The following SMIM13 variants were observed in gnomAD, a reference collection of about 807,000 sequenced individuals.
The protein encoded by SMIM13 is UPF0766 protein C6orf228.
In SMIM13, 3 loss-of-function variants were observed where a neutral mutation model predicts 5.9. That is an observed-to-expected ratio of 0.51 (90% CI 0.23 to 1.31). The LOEUF (loss-of-function observed/expected upper bound fraction) is 1.31. Among genes scored for constraint, SMIM13 ranks in the 40% most tolerant of loss-of-function variants. SMIM13 has a pLI of 0.18. For synonymous variants in SMIM13, 55 were observed against 46.0 expected, an observed-to-expected ratio of 1.19 and a Z score of -0.79; for missense variants, 85 against 109.9, an observed-to-expected ratio of 0.77 and a Z score of 1.01.
intron 1 of SMIM13, among the ~76,000 whole-genome samples, chr6:11,124,047 A>G (rs769053035): frequency 6.6e-6 from 1 of 152,110 alleles, no homozygotes. Flanking sequence ...ATGTACAGTA[A>G]GTTATTGTTG....
rs1453964660 is a variant in SMIM13, at chr6:11,135,898, G to C, written c.*1296G>C. 6.6e-6 allele frequency: 1 copy of C among 152,140 alleles called. No homozygotes were observed. The highest frequency in any genetic ancestry group is 2.4e-5 in the African/African-American group (1 of 41,420). 9.4% of individuals were successfully genotyped at this position (152,140 alleles called of 1,614,324 possible). Reference sequence around the variant, plus strand: ...ATCTTAACAATTGGTAGTGTCTTAGGTTAAATTAAAAATGGTAGCTTGTAA... The same window carrying C: ...ATCTTAACAATTGGTAGTGTCTTAGCTTAAATTAAAAATGGTAGCTTGTAA... On this transcript the variant is annotated 3_prime_UTR_variant, in exon 2 of 2. Coordinates refer to ENST00000416247, the MANE Select transcript of SMIM13 (RefSeq NM_001135575.2).
chr6:11,124,191 C>T (rs1371117669), intron 1 of SMIM13, among the ~76,000 whole-genome samples: 2 of 152,184 alleles, frequency 1.3e-5, no homozygotes, highest in Non-Finnish European at 2.9e-5. Context: ...TATCATTCTA[C>T]TTTCTATAAG....
At chr6:11,116,008 CTTTTTTTTTTTTTT>C (rs35527082) in intron 1 of SMIM13, among the ~76,000 whole-genome samples, 94 of 78,534 alleles carry the variant, frequency 1.2e-3, no homozygotes, top group African/African-American at 4.1e-3. Flanking sequence ...CTTCCTTCCT[CTTTTTTTTTTTTTT>C]TTTTTTTTTT....
At chr6:11,098,529 C>G (rs1017304990) in intron 1 of SMIM13, among the ~76,000 whole-genome samples, 1 of 152,152 alleles carries the variant, frequency 6.6e-6, no homozygotes, top group African/African-American at 2.4e-5. Context: ...ACTCCTGGGT[C>G]TAAGTGATTC....
chr6:11,110,092 A>C, intron 1 of SMIM13, among the ~76,000 whole-genome samples: 1 of 152,210 alleles, frequency 6.6e-6, no homozygotes, highest in East Asian at 1.9e-4. Context: ...AAGAAAGAAC[A>C]GAGGCGAGAA....
Position 11,097,063 on chromosome 6 carries a change from C to T in SMIM13, c.76+2674C>T, listed in dbSNP as rs186633827. On this transcript the variant is annotated intron_variant, in intron 1 of 1. Transcript: ENST00000416247. ...ATGTTGGTCAGGCTGATCTCGAGCT[C>T]CCGACCTCAGGTGATCTGCCCACCT... is the stretch of plus-strand genomic sequence containing the variant. Among the ~76,000 whole-genome samples the T allele has an allele frequency of 2.6e-5, 4 of 152,286 alleles. No individual in the cohort carries two copies. The East Asian group carries it at 5.8e-4, about 22-fold the overall frequency.
intron 1 of SMIM13, among the ~76,000 whole-genome samples, chr6:11,129,089 T>C (rs114427823): frequency 6.8e-6 from 1 of 148,130 alleles, no homozygotes; most frequent in East Asian, 2.0e-4. Flanking sequence ...GGGGGGGGGA[T>C]GATCACTGGA....
chr6:11,105,149 T>TG, intron 1 of SMIM13: 1 of 1,614,222 alleles, frequency 6.2e-7, no homozygotes, highest in Non-Finnish European at 8.5e-7. Flanking sequence ...AAGCTGTCCC[T>TG]GGTGTTTCAG....
intron 1 of SMIM13, among the ~76,000 whole-genome samples, chr6:11,117,408 C>G (rs1033003991): frequency 1.3e-4 from 20 of 150,954 alleles, no homozygotes; most frequent in Admixed American, 4.6e-4. Context: ...ATCTCTTGAC[C>G]TCGTGATCCG....
intron 1 of SMIM13, among the ~76,000 whole-genome samples, chr6:11,125,202 C>T (rs768463898): frequency 4.8e-5 from 7 of 146,988 alleles, no homozygotes; most frequent in Middle Eastern, 3.6e-3. Context: ...CACTTGAACC[C>T]GGGAGGTGGA....
At position 11,138,484 on chromosome 6, in the gene SMIM13, A is replaced by G. The variant is rs1237539344; in HGVS notation, c.*3882A>G. 1 of 152,106 alleles carries G rather than the reference A, an allele frequency of 6.6e-6. No individual in the cohort carries two copies. The highest frequency in any genetic ancestry group is 1.5e-5 in the Non-Finnish European group (1 of 68,018). 9.4% of individuals were successfully genotyped at this position (152,106 alleles called of 1,614,324 possible). ...CTGCTGCTGTGATTCCTTGAAGGAAATATTCTGTGGTCTGCTATGATGCAT... is the reference window on the plus strand; with the variant it reads ...CTGCTGCTGTGATTCCTTGAAGGAAGTATTCTGTGGTCTGCTATGATGCAT... On this transcript the variant is annotated 3_prime_UTR_variant, in exon 2 of 2. Transcript: ENST00000416247.
chr6:11,109,071 A>G (rs1758132224), intron 1 of SMIM13, among the ~76,000 whole-genome samples: 1 of 152,172 alleles, frequency 6.6e-6, no homozygotes, highest in Admixed American at 6.5e-5. Flanking sequence ...CTGGGGAACT[A>G]TGGTGGCCCC....
chr6:11,116,316 G>C (rs1312172486), intron 1 of SMIM13, among the ~76,000 whole-genome samples: 2 of 152,146 alleles, frequency 1.3e-5, no homozygotes, highest in African/African-American at 2.4e-5. Flanking sequence ...ATTGCTCCTG[G>C]CCAGCTTTGC....
chr6:11,132,747 T>TAG (rs1758467424), intron 1 of SMIM13, among the ~76,000 whole-genome samples: 1 of 152,066 alleles, frequency 6.6e-6, no homozygotes. Flanking sequence ...GAGAGTAGAT[T>TAG]AGAGGTTGCC....
At chr6:11,106,726 G>A (rs151051555) in intron 1 of SMIM13, among the ~76,000 whole-genome samples, 53 of 152,222 alleles carry the variant, frequency 3.5e-4, no homozygotes, top group Non-Finnish European at 6.2e-4. Context: ...CTCTTTAGCT[G>A]TTTAGTTAGC....
chr6:11,100,163 C>T lies in SMIM13; in HGVS notation c.76+5774C>T, dbSNP rs552905338. 7.4e-4 allele frequency among the ~76,000 whole-genome samples: 113 copies of T among 152,058 alleles called. 1 individual carries two copies. The highest frequency in any genetic ancestry group is 2.4e-3 in the African/African-American group (100 of 41,468). On this transcript the variant is annotated intron_variant, in intron 1 of 1. Coordinates refer to ENST00000416247, the MANE Select transcript of SMIM13 (RefSeq NM_001135575.2). ...GCAGCCTCCACCTCCTGGATTCAAG[C>T]GATTCTCCTGCCTCAGCCTCCCGAG...
At chr6:11,106,835 C>G (rs568543066) in intron 1 of SMIM13, among the ~76,000 whole-genome samples, 1 of 152,358 alleles carries the variant, frequency 6.6e-6, no homozygotes, top group East Asian at 1.9e-4. Flanking sequence ...TCTAATAGCT[C>G]TAAGATTTGA....
chr6:11,111,752 T>TAAA (rs1294515629), intron 1 of SMIM13: 8 of 152,268 alleles, frequency 5.3e-5, no homozygotes, highest in Non-Finnish European at 1.0e-4. Context: ...CTTGGGGTTT[T>TAAA]ATACATCGGC....
intron 1 of SMIM13, among the ~76,000 whole-genome samples, chr6:11,111,446 G>A (rs375880986): frequency 2.0e-5 from 3 of 152,118 alleles, no homozygotes; most frequent in African/African-American, 7.2e-5. Context: ...TGTCTGGGGG[G>A]GCCATTAGTG....
Sources: gnomAD v4.1 joint callset for allele counts (sites outside exome capture counted in the v4.1 genomes callset) on GRCh38, gnomAD v4.1.1 for gene constraint, MANE v1.5 for transcripts, NCBI Gene and HGNC (gene_info 2026-07-23, HGNC 2026-07-21) for gene names.